Variants in IKBKB-DT observed in about 807,000 individuals in gnomAD.
The protein encoded by IKBKB-DT is IKBKB divergent transcript.
intron 3 of IKBKB-DT, among the ~76,000 whole-genome samples, chr8:42,236,661 A>G (rs1471941384): frequency 6.6e-6 from 1 of 152,100 alleles, no homozygotes; most frequent in African/African-American, 2.4e-5. Context: ...GGAGGCTGAG[A>G]CAGGAGAATT....
At chr8:42,247,275 G>A (rs1044437923) in intron 3 of IKBKB-DT, among the ~76,000 whole-genome samples, 2 of 152,162 alleles carry the variant, frequency 1.3e-5, no homozygotes, top group Admixed American at 6.5e-5. Flanking sequence ...AGATTATTTT[G>A]GAGCTTTAAG....
chr8:42,258,510 G>A (rs1389744460), intron 3 of IKBKB-DT, among the ~76,000 whole-genome samples: 1 of 151,198 alleles, frequency 6.6e-6, no homozygotes, highest in African/African-American at 2.4e-5. Flanking sequence ...TGTCGCCCAG[G>A]CTGGATGGAG....
chr8:42,268,558 A>T (rs563122448), intron 1 of IKBKB-DT, among the ~76,000 whole-genome samples: 73 of 151,712 alleles, frequency 4.8e-4, no homozygotes, highest in Non-Finnish European at 8.8e-4. Context: ...GGGGTGAGCC[A>T]CCACACCCGG....
chr8:42,262,694 C>T (rs1807307764), intron 3 of IKBKB-DT, among the ~76,000 whole-genome samples: 1 of 152,078 alleles, frequency 6.6e-6, no homozygotes, highest in Non-Finnish European at 1.5e-5. Context: ...CCGCCTCGGC[C>T]TCCCAAAGTG....
intron 1 of IKBKB-DT, among the ~76,000 whole-genome samples, chr8:42,269,514 G>A (rs1207541766): frequency 9.0e-6 from 1 of 111,076 alleles, no homozygotes; most frequent in Non-Finnish European, 1.8e-5. Flanking sequence ...GGAAGGAGGA[G>A]AGATAGGAAG....
intron 2 of IKBKB-DT, among the ~76,000 whole-genome samples, chr8:42,265,296 C>CAA (rs1197699583): frequency 6.6e-6 from 1 of 152,204 alleles, no homozygotes; most frequent in Non-Finnish European, 1.5e-5. Context: ...CACACCCGGG[C>CAA]AAAAGGGTCA....
intron 3 of IKBKB-DT, among the ~76,000 whole-genome samples, chr8:42,259,648 G>A (rs557346405): frequency 2.0e-5 from 3 of 151,920 alleles, no homozygotes; most frequent in African/African-American, 4.8e-5. Flanking sequence ...GGTTCTTCCC[G>A]CCTGCTGCAC....
intron 2 of IKBKB-DT, among the ~76,000 whole-genome samples, chr8:42,263,783 C>T (rs1807326354): frequency 6.6e-6 from 1 of 152,146 alleles, no homozygotes; most frequent in Non-Finnish European, 1.5e-5. Context: ...GGTATAGGGA[C>T]AAAGAAACCC....
chr8:42,256,210 A>C (rs1456239573), intron 3 of IKBKB-DT, among the ~76,000 whole-genome samples: 1 of 151,998 alleles, frequency 6.6e-6, no homozygotes, highest in African/African-American at 2.4e-5. Flanking sequence ...TTAGCTTAAG[A>C]AAAAAAGAGA....
At chr8:42,240,889 C>T (rs1806993149) in intron 3 of IKBKB-DT, among the ~76,000 whole-genome samples, 1 of 151,896 alleles carries the variant, frequency 6.6e-6, no homozygotes, top group Non-Finnish European at 1.5e-5. Flanking sequence ...GCAGAAGAAT[C>T]GCTTGAGCCC....
At chr8:42,241,222 A>ATTTTTTTT (rs1563274607) in intron 3 of IKBKB-DT, among the ~76,000 whole-genome samples, 1 of 66,604 alleles carries the variant, frequency 1.5e-5, no homozygotes, top group African/African-American at 4.8e-5. Context: ...ATATGTTGGA[A>ATTTTTTTT]TCTTTTTTTT....
rs536686229 is a variant in IKBKB-DT, at chr8:42,269,158, T to C, written n.603+1493A>G. Among the ~76,000 whole-genome samples the C allele has an allele frequency of 2.7e-4, 40 of 150,334 alleles. 1 individual carries two copies. In the South Asian group the frequency reaches 4.7e-3, roughly 18 times the overall value. ...TAGTGAGACCCCCATGTCAACAAAATAAAATTTAAAAATTAGCTGGTCATG... is the reference window on the plus strand; with the variant it reads ...TAGTGAGACCCCCATGTCAACAAAACAAAATTTAAAAATTAGCTGGTCATG... On this transcript the variant is annotated intron_variant and non_coding_transcript_variant, in intron 1 of 3. Transcript: ENST00000518213.
At chr8:42,264,496 C>A (rs1807343614) in intron 2 of IKBKB-DT, among the ~76,000 whole-genome samples, 1 of 152,158 alleles carries the variant, frequency 6.6e-6, no homozygotes, top group African/African-American at 2.4e-5. Context: ...CAGAAAACAG[C>A]AGAGAGATGG....
intron 3 of IKBKB-DT, among the ~76,000 whole-genome samples, chr8:42,239,909 G>A (rs564854885): frequency 6.6e-6 from 1 of 151,662 alleles, no homozygotes; most frequent in Non-Finnish European, 1.5e-5. Context: ...AAAGTGTTGG[G>A]ATTATAGGCA....
intron 3 of IKBKB-DT, among the ~76,000 whole-genome samples, chr8:42,254,346 C>G (rs954352802): frequency 6.6e-6 from 1 of 152,232 alleles, no homozygotes; most frequent in Non-Finnish European, 1.5e-5. Flanking sequence ...TTAAGTGCAA[C>G]AAGAGTAGTG....
intron 3 of IKBKB-DT, among the ~76,000 whole-genome samples, chr8:42,242,186 G>T (rs1341622718): frequency 6.6e-6 from 1 of 152,124 alleles, no homozygotes; most frequent in East Asian, 1.9e-4. Flanking sequence ...CTGCACTCCA[G>T]CCTGGGTGAC....
chr8:42,253,666 G>A (rs1807157384), intron 3 of IKBKB-DT, among the ~76,000 whole-genome samples: 1 of 152,186 alleles, frequency 6.6e-6, no homozygotes, highest in South Asian at 2.1e-4. Context: ...CCCTGGTGCT[G>A]TAAAGAAATA....
intron 3 of IKBKB-DT, among the ~76,000 whole-genome samples, chr8:42,241,663 T>C (rs1563274686): frequency 6.6e-6 from 1 of 152,130 alleles, no homozygotes. Context: ...AATGCTTCAA[T>C]GAGCAACTAG....
At chr8:42,257,751 TAGG>T (rs1281859775) in intron 3 of IKBKB-DT, among the ~76,000 whole-genome samples, 1 of 151,986 alleles carries the variant, frequency 6.6e-6, no homozygotes, top group Non-Finnish European at 1.5e-5. Context: ...CTGGGCAGCA[TAGG>T]AGGAGACCTT....
Sources: allele counts gnomAD v4.1 joint callset (sites outside exome capture counted in the v4.1 genomes callset), GRCh38; gene constraint gnomAD v4.1.1; transcripts MANE v1.5; gene names NCBI Gene and HGNC (gene_info 2026-07-23, HGNC 2026-07-21).